The following USP34 variants were observed in gnomAD, a reference collection of about 807,000 sequenced individuals.
The protein encoded by USP34 is ubiquitin carboxyl-terminal hydrolase 34.
USP34 carries 70 observed loss-of-function variants against 460.3 expected under a neutral mutation model. That is an observed-to-expected ratio of 0.15 (90% confidence interval 0.13 to 0.19). The LOEUF is 0.19. Ranked by LOEUF, USP34 falls within the 10% of genes least tolerant of loss-of-function variation. The probability of loss-of-function intolerance (pLI) is 1.00; values close to 1 mark genes in which losing one functional copy is unlikely to be tolerated. For synonymous variants in USP34, 1,647 were observed against 1,405.3 expected, an observed-to-expected ratio of 1.17 and a Z score of -3.85; for missense variants, 3,985 against 4,236.2, an observed-to-expected ratio of 0.94 and a Z score of 1.65.
At chr2:61,330,577 T>C (rs1691230101) in intron 20 of USP34, among the ~76,000 whole-genome samples, 1 of 152,218 alleles carries the variant, frequency 6.6e-6, no homozygotes, top group Non-Finnish European at 1.5e-5. Context: ...TCAATCACAG[T>C]GTGACTCCTC....
chr2:61,400,800 A>G (rs996340660), intron 3 of USP34, among the ~76,000 whole-genome samples: 8 of 152,182 alleles, frequency 5.3e-5, no homozygotes, highest in Non-Finnish European at 1.2e-4. Flanking sequence ...ACAATGAATC[A>G]TAATTGTGCC....
chr2:61,228,762 G>A, intron 60 of USP34, 43 bp from the exon 61 acceptor site: 2 of 1,592,758 alleles, frequency 1.3e-6, no homozygotes, highest in South Asian at 1.2e-5. Context: ...TAAAATAAAA[G>A]CAATTAAGTT....
At position 61,283,435 on chromosome 2, in the gene USP34, T is replaced by G. The variant is rs1460791142; in HGVS notation, c.4847A>C (p.Gln1616Pro). ...DNLAPRVLKA[Q>P]SDHRSRHEVS... The stretch of plus-strand genomic sequence containing the variant: ...TTCATGTCTAGACCTGTGATCAGAC[T>G]GAGCTTTTAAAACTCTGTAAAGTAA... Residue 1616 changes from glutamine to proline, a missense_variant, in exon 36 of 80, where the codon CAG becomes CCG. Physicochemically the swap from Gln to Pro is moderately conservative, Grantham distance 76 (BLOSUM62 -1). Coordinates refer to ENST00000398571, the MANE Select transcript of USP34 (RefSeq NM_014709.4). The G allele has an allele frequency of 9.3e-6, 15 of 1,606,628 alleles. No individual in the cohort carries two copies. Among genetic ancestry groups the G allele is most frequent in the East Asian group, 2.2e-5 (1 of 44,744 alleles).
chr2:61,424,731 C>A (rs1252446184), intron 1 of USP34, among the ~76,000 whole-genome samples: 2 of 152,106 alleles, frequency 1.3e-5, no homozygotes, highest in African/African-American at 4.8e-5. Context: ...AAAAGACCAA[C>A]AGTAAATTTT....
intron 5 of USP34, among the ~76,000 whole-genome samples, chr2:61,393,297 G>A (rs1311728854): frequency 1.3e-5 from 2 of 152,018 alleles, no homozygotes; most frequent in African/African-American, 2.4e-5. Context: ...CAGGCATGGT[G>A]GCATACGCCT....
At chr2:61,361,403 C>T (rs920238205) in intron 10 of USP34, among the ~76,000 whole-genome samples, 1 of 152,190 alleles carries the variant, frequency 6.6e-6, no homozygotes, top group Non-Finnish European at 1.5e-5. Context: ...ACCTGGACAA[C>T]AGAGCAAGAC....
At chr2:61,204,967 G>A (rs1687076054) in intron 72 of USP34, among the ~76,000 whole-genome samples, 1 of 152,014 alleles carries the variant, frequency 6.6e-6, no homozygotes, top group South Asian at 2.1e-4. Context: ...TGATCCTCCT[G>A]CCTCAGGCTC....
At chr2:61,279,715 C>T (rs769625616) in intron 39 of USP34, among the ~76,000 whole-genome samples, 14 of 152,160 alleles carry the variant, frequency 9.2e-5, no homozygotes, top group East Asian at 1.9e-4. Flanking sequence ...CCGCCCGCCT[C>T]GGCCTCCCAA....
At chr2:61,395,836 C>T (rs1374650864) in intron 3 of USP34, among the ~76,000 whole-genome samples, 3 of 147,616 alleles carry the variant, frequency 2.0e-5, no homozygotes, top group East Asian at 2.0e-4. Flanking sequence ...GAGGCCGAGG[C>T]GGGTGGATCA....
At chr2:61,368,274 A>T (rs963841538) in intron 10 of USP34, among the ~76,000 whole-genome samples, 17 of 152,180 alleles carry the variant, frequency 1.1e-4, no homozygotes, top group African/African-American at 4.1e-4. Context: ...TCTACTAAAA[A>T]CACAAAAATT....
At chr2:61,228,509 T>C (rs1572851967) in intron 61 of USP34, 136 bp downstream of exon 61, 3 of 662,946 alleles carry the variant, frequency 4.5e-6, no homozygotes, top group Non-Finnish European at 7.4e-6. Flanking sequence ...CATCAACCAA[T>C]CTTAGACCCT....
chr2:61,406,104 T>C lies in USP34; in HGVS notation c.156A>G (p.Glu52=). Residue 52 remains glutamate (E), a synonymous_variant, in exon 3 of 80, where the codon GAA becomes GAG. Coordinates refer to ENST00000398571, the MANE Select transcript of USP34 (RefSeq NM_014709.4). ...GATTAAAAATCTCCAAATGCTTATA[T>C]TCCTTGAAGCAGCATAGACATTGCC... ...TQRQCLCCFK[E]YKHLEIFNQV... The C allele has an allele frequency of 6.2e-7, 1 of 1,611,368 alleles. No individual in the cohort carries two copies. Among genetic ancestry groups the C allele is most frequent in the Non-Finnish European group, 8.5e-7 (1 of 1,179,104 alleles).
At chr2:61,251,047 A>T (rs1688566116) in intron 48 of USP34, among the ~76,000 whole-genome samples, 1 of 152,194 alleles carries the variant, frequency 6.6e-6, no homozygotes. Context: ...CTGAGGCAGG[A>T]GAATGGCGTG....
intron 38 of USP34, among the ~76,000 whole-genome samples, chr2:61,280,807 A>G (rs558938671): frequency 6.6e-6 from 1 of 152,334 alleles, no homozygotes; most frequent in East Asian, 1.9e-4. Context: ...TTATTAGTCA[A>G]CTTATTAACA....
chr2:61,442,049 T>C lies in USP34; in HGVS notation c.44-21216A>G, dbSNP rs1456554348. Reference sequence around the variant, plus strand: ...AAAGGACAGTCTCTCCAATGAATGGTGCTAGGAAAACTGGACATCCATAGG... The same window carrying C: ...AAAGGACAGTCTCTCCAATGAATGGCGCTAGGAAAACTGGACATCCATAGG... On this transcript the variant is annotated intron_variant, in intron 1 of 79. Transcript: ENST00000398571. 2.6e-5 allele frequency among the ~76,000 whole-genome samples: 4 copies of C among 152,062 alleles called. No individual in the cohort carries two copies. The South Asian group carries it at 6.2e-4, about 24-fold the overall frequency.
At chr2:61,398,368 GAGA>G (rs903432069) in intron 3 of USP34, among the ~76,000 whole-genome samples, 25 of 150,566 alleles carry the variant, frequency 1.7e-4, no homozygotes, top group African/African-American at 4.9e-4. Flanking sequence ...CCTGGTGAAA[GAGA>G]AGGAGGAGAG....
chr2:61,213,969 T>C (rs754948366), intron 68 of USP34, 91 bp downstream of exon 68: 19 of 1,461,538 alleles, frequency 1.3e-5, no homozygotes, highest in Non-Finnish European at 1.8e-5. Flanking sequence ...GTGAGACTAT[T>C]CTATATTCTG....
chr2:61,458,639 A>G (rs1695507854), intron 1 of USP34, among the ~76,000 whole-genome samples: 1 of 133,454 alleles, frequency 7.5e-6, no homozygotes, highest in African/African-American at 2.9e-5. Context: ...AAAAAAAAAA[A>G]GGCAAAGAGA....
intron 39 of USP34, 127 bp from the exon 40 acceptor site, chr2:61,278,570 C>A: frequency 1.5e-6 from 1 of 663,710 alleles, no homozygotes. Context: ...AAGTTATAAA[C>A]GTAATACACC....
Sources: gnomAD v4.1 joint callset for allele counts (sites outside exome capture counted in the v4.1 genomes callset) on GRCh38, gnomAD v4.1.1 for gene constraint, MANE v1.5 for transcripts, NCBI Gene and HGNC (gene_info 2026-07-23, HGNC 2026-07-21) for gene names.